KALRN: variants seen among roughly 807,000 people sequenced by gnomAD.
KALRN encodes kalirin.
A neutral mutation model predicts 353.7 loss-of-function variants in KALRN; 70 were observed. The observed-to-expected ratio is 0.20, with a 90% CI of 0.16 to 0.24. KALRN has a LOEUF of 0.24. Ranked by LOEUF, KALRN falls within the 10% of genes least tolerant of loss-of-function variation. The pLI, the probability that KALRN is intolerant of heterozygous loss-of-function variation, is 1.00. For missense variants in KALRN, 2,791 were observed against 3,756.7 expected, an observed-to-expected ratio of 0.74 and a Z score of 6.72; for synonymous variants, 1,391 against 1,434.8, an observed-to-expected ratio of 0.97 and a Z score of 0.69.
intron 33 of KALRN, among the ~76,000 whole-genome samples, chr3:124,509,571 A>C (rs777610738): frequency 3.3e-5 from 5 of 152,266 alleles, no homozygotes; most frequent in Non-Finnish European, 5.9e-5. Context: ...ACCAACATGG[A>C]AACTTAATAT....
intron 19 of KALRN, among the ~76,000 whole-genome samples, chr3:124,445,590 C>T (rs2093810426): frequency 6.6e-6 from 1 of 152,188 alleles, no homozygotes; most frequent in Non-Finnish European, 1.5e-5. Flanking sequence ...ATAATTCCAA[C>T]ACAGCTTCCC....
intron 13 of KALRN, among the ~76,000 whole-genome samples, chr3:124,399,922 A>C (rs1036003669): frequency 6.6e-6 from 1 of 152,186 alleles, no homozygotes; most frequent in Non-Finnish European, 1.5e-5. Context: ...AACATAAGGC[A>C]CTTTTTCCTT....
chr3:124,562,928 C>A lies in KALRN; in HGVS notation c.5021C>A (p.Thr1674Lys). 1 of 1,367,902 alleles carries A rather than the reference C, an allele frequency of 7.3e-7. No individual in the cohort carries two copies. Among genetic ancestry groups the A allele is most frequent in the African/African-American group, 1.5e-5 (1 of 67,880 alleles). The allele number at this position is 1,367,902 out of a possible 1,614,324, so 84.7% of individuals were successfully genotyped here. The change falls in exon 34 of 60, where the codon ACG (threonine) becomes AAG (lysine). Residue 1674 changes from threonine to lysine, a missense_variant. Around this residue, in one of 11 missense-constraint regions of KALRN, gnomAD observed 239 missense variants for 351.3 expected, o/e 0.68. Coordinates refer to ENST00000682506, the MANE Select transcript of KALRN (RefSeq NM_001388419.1). ...SSELTIQVGQTVELLERPSER... is the reference protein window; with the variant it reads ...SSELTIQVGQKVELLERPSER... ...GAGCTGACCATCCAGGTGGGGCAGA[C>A]GGTAGAGCTGCTGGAGCGGCCCAGC...
intron 1 of KALRN, among the ~76,000 whole-genome samples, chr3:124,091,703 T>C (rs938181022): frequency 5.3e-5 from 8 of 152,106 alleles, no homozygotes; most frequent in Non-Finnish European, 8.8e-5. Flanking sequence ...GGAAAACATG[T>C]CTCTGTAGCC....
chr3:124,542,615 T>C (rs2069153193), intron 33 of KALRN, among the ~76,000 whole-genome samples: 1 of 152,184 alleles, frequency 6.6e-6, no homozygotes, highest in Non-Finnish European at 1.5e-5. Flanking sequence ...CCTTTACACA[T>C]AGCTGACCCA....
At chr3:124,599,261 G>A (rs777812107) in intron 34 of KALRN, among the ~76,000 whole-genome samples, 7 of 152,174 alleles carry the variant, frequency 4.6e-5, no homozygotes, top group Non-Finnish European at 1.0e-4. Flanking sequence ...GCCTTATCAT[G>A]CTCACATTTT....
intron 34 of KALRN, among the ~76,000 whole-genome samples, chr3:124,600,180 G>A (rs1293509727): frequency 6.6e-6 from 1 of 152,236 alleles, no homozygotes; most frequent in Non-Finnish European, 1.5e-5. Flanking sequence ...GACTGTTGGA[G>A]TTTATTGTAG....
intron 1 of KALRN, among the ~76,000 whole-genome samples, chr3:124,183,334 A>C (rs552895992): frequency 2.2e-4 from 34 of 152,290 alleles, no homozygotes; most frequent in Non-Finnish European, 3.2e-4. Flanking sequence ...AGGTCTCAGG[A>C]AGCTTCCAAT....
chr3:124,580,124 A>G (rs1172205736), intron 34 of KALRN, among the ~76,000 whole-genome samples: 1 of 152,190 alleles, frequency 6.6e-6, no homozygotes, highest in Non-Finnish European at 1.5e-5. Flanking sequence ...ACTCATAGCA[A>G]TGCAAATTCT....
intron 34 of KALRN, among the ~76,000 whole-genome samples, chr3:124,580,100 A>G (rs1400261817): frequency 8.5e-5 from 13 of 152,252 alleles, no homozygotes; most frequent in Admixed American, 8.5e-4. Context: ...CAACAACATC[A>G]GCATCACCTG....
intron 1 of KALRN, among the ~76,000 whole-genome samples, chr3:124,170,448 C>G (rs1026389179): frequency 6.6e-6 from 1 of 152,148 alleles, no homozygotes; most frequent in South Asian, 2.1e-4. Context: ...CGTCACATGG[C>G]TGGTGAATAA....
At chr3:124,685,109 G>T (rs1400103257) in intron 51 of KALRN, among the ~76,000 whole-genome samples, 1 of 152,086 alleles carries the variant, frequency 6.6e-6, no homozygotes, top group Non-Finnish European at 1.5e-5. Flanking sequence ...TTTATAAAAA[G>T]AATTTTTTCA....
At chr3:124,065,292 G>A (rs182951531) in intron 1 of KALRN, among the ~76,000 whole-genome samples, 5 of 152,290 alleles carry the variant, frequency 3.3e-5, no homozygotes, top group Middle Eastern at 3.4e-3. Flanking sequence ...GATGAGCCCG[G>A]CCCTGTGCAA....
rs1337477189 is a variant in KALRN at position 124,650,854 on chromosome 3, G to A, written c.5711G>A (p.Gly1904Asp). ...CGGGGGAGCTTGAAAGACCCTGCAG[G>A]CTGCCTGAATGAGGGGATGGCCCCA... ...SYRGSLKDPA[G>D]CLNEGMAPPT... The change falls in exon 38 of 60, where the codon GGC becomes GAC. Residue 1904 changes from glycine (G) to aspartate (D), a missense_variant. Gly to Asp is a moderately conservative substitution (Grantham distance 94, BLOSUM62 -1). Coordinates refer to ENST00000682506, the MANE Select transcript of KALRN (RefSeq NM_001388419.1). 2 of 1,614,080 alleles carry A rather than the reference G, an allele frequency of 1.2e-6. No individual in the cohort carries two copies. Among genetic ancestry groups the A allele is most frequent in the Admixed American group, 3.3e-5 (2 of 60,022 alleles).
At chr3:124,599,863 C>T (rs2076630013) in intron 34 of KALRN, among the ~76,000 whole-genome samples, 1 of 152,206 alleles carries the variant, frequency 6.6e-6, no homozygotes, top group Non-Finnish European at 1.5e-5. Context: ...TACAGCTTCA[C>T]CACCAACTAG....
chr3:124,601,038 C>G (rs1475183622), intron 34 of KALRN, among the ~76,000 whole-genome samples: 1 of 152,184 alleles, frequency 6.6e-6, no homozygotes, highest in African/African-American at 2.4e-5. Flanking sequence ...GTTCAGACCT[C>G]TAAGAGCCAA....
chr3:124,705,257 T>C (rs1341413990), intron 57 of KALRN, among the ~76,000 whole-genome samples: 1 of 152,208 alleles, frequency 6.6e-6, no homozygotes, highest in Non-Finnish European at 1.5e-5. Context: ...CTAAACTTCA[T>C]TGAAACTATA....
At position 124,269,089 on chromosome 3, in the gene KALRN, A is replaced by G. The variant is rs376230974; in HGVS notation, c.803A>G (p.Asn268Ser). 32 of 1,612,668 alleles carry G rather than the reference A, an allele frequency of 2.0e-5. No individual in the cohort carries two copies. Among genetic ancestry groups the G allele is most frequent in the Non-Finnish European group, 2.5e-5 (30 of 1,179,604 alleles). ...IRCSDGFSGR[N>S]CIPGSADFQS... ...TGCAGCGACGGCTTCTCAGGACGCA[A>G]CTGCATCCCGGGCAGTGCTGACTTC... is the stretch of plus-strand genomic sequence containing the variant. The change falls in exon 5 of 60, where the codon AAC becomes AGC. Residue 268 changes from asparagine (N) to serine (S), a missense_variant. Coordinates refer to ENST00000682506, the MANE Select transcript of KALRN (RefSeq NM_001388419.1).
At chr3:124,647,420 T>G (rs1298456550) in intron 37 of KALRN, among the ~76,000 whole-genome samples, 1 of 152,186 alleles carries the variant, frequency 6.6e-6, no homozygotes, top group Non-Finnish European at 1.5e-5. Context: ...TGCCCCCATG[T>G]CATTTGTTCT....
Sources: allele counts gnomAD v4.1 joint callset (sites outside exome capture counted in the v4.1 genomes callset), GRCh38; gene constraint gnomAD v4.1.1; regional missense constraint gnomAD v4.1.1; transcripts MANE v1.5; gene names NCBI Gene and HGNC (gene_info 2026-07-23, HGNC 2026-07-21).